TARBP1: variants seen among roughly 807,000 people sequenced by gnomAD.
TARBP1 encodes tRNA guanosine 2 -O-methyltransferase TARBP1.
TARBP1 carries 144 observed loss-of-function variants against 178.6 expected under a neutral mutation model. The observed-to-expected ratio is 0.81, with a 90% confidence interval of 0.70 to 0.93. TARBP1 has a LOEUF of 0.93. TARBP1 is among the 40% of genes least tolerant of loss of function. The pLI, the probability that TARBP1 is intolerant of heterozygous loss-of-function variation, is 0.00. For missense variants in TARBP1, 2,067 were observed against 2,011.7 expected, an observed-to-expected ratio of 1.03 and a Z score of -0.53; for synonymous variants, 787 against 781.0, an observed-to-expected ratio of 1.01 and a Z score of -0.13.
chr1:234,418,147 A>C lies in TARBP1; in HGVS notation c.3642T>G (p.Ile1214Met). ...GGAATTTATGAAGAATCAATATAAT[A>C]ATCCATTCTATAAAATATTTTATGG... ...QASIKYFIEW[I>M]IILILHKFPQ... is the part of the protein sequence containing the mutation. Residue 1214 changes from isoleucine to methionine, a missense_variant, in exon 22 of 30, where the codon ATT becomes ATG. Transcript: ENST00000040877. The C allele has an allele frequency of 6.5e-7, 1 of 1,528,522 alleles. No homozygotes were observed. Among genetic ancestry groups the C allele is most frequent in the South Asian group, 1.3e-5 (1 of 76,566 alleles). 94.7% of individuals were successfully genotyped at this position (1,528,522 alleles called of 1,614,324 possible). A position where few individuals can be genotyped will look rare whatever the true frequency, so the allele number is the denominator to read the frequency against.
intron 19 of TARBP1, among the ~76,000 whole-genome samples, chr1:234,426,629 T>C (rs916097877): frequency 6.6e-6 from 1 of 152,162 alleles, no homozygotes; most frequent in Admixed American, 6.5e-5. Flanking sequence ...GAGTGAATGA[T>C]ACAATGCTAT....
Position 234,418,219 on chromosome 1 carries a change from T to C in TARBP1, c.3570A>G (p.Gly1190=). Residue 1190 remains glycine, a synonymous_variant, in exon 22 of 30, where the codon GGA becomes GGG. Coordinates refer to ENST00000040877, the MANE Select transcript of TARBP1 (RefSeq NM_005646.4). ...FPRLDQNFLN[G]IIDRIFQAGF... is the part of the protein sequence containing the mutation. ...CAGCCTGGAAAATCCTGTCAATAAT[T>C]CCATTCAAGAAATTCTGAGAAAAAA... 1.3e-6 allele frequency: 2 copies of C among 1,552,810 alleles called. No individual in the cohort carries two copies. The highest frequency in any genetic ancestry group is 1.4e-5 in the African/African-American group (1 of 70,876).
Position 234,425,712 on chromosome 1 carries a change from CT to C in TARBP1, c.3404del (p.Lys1135SerfsTer12). On this transcript the variant is annotated frameshift_variant, in exon 20 of 30. Transcript: ENST00000040877. LOFTEE classifies it high-confidence loss of function. ...TGATTGCAAGATCCTCAATAAACAA[CT>C]TGTGGGACATATTGGAGCCATCTAA... ...CLLDGSNMSH[K>X]LFIEDLAIKL... is the part of the protein sequence containing the mutation. 1 of 1,612,502 alleles carries C rather than the reference CT, an allele frequency of 6.2e-7. No homozygotes were observed. The highest frequency in any genetic ancestry group is 8.5e-7 in the Non-Finnish European group (1 of 1,179,284).
chr1:234,406,058 C>T lies in TARBP1; in HGVS notation c.3834G>A (p.Trp1278Ter), dbSNP rs766753804. 3.1e-6 allele frequency: 5 copies of T among 1,614,162 alleles called. No individual in the cohort carries two copies. Among genetic ancestry groups the T allele is most frequent in the Non-Finnish European group, 3.4e-6 (4 of 1,180,028 alleles). ...GAACACTAAAATTGTGATTGAAACACCACTGCAGCACAACTATAAGGGCTT... is the reference window on the plus strand; with the variant it reads ...GAACACTAAAATTGTGATTGAAACATCACTGCAGCACAACTATAAGGGCTT... Reference protein sequence around the residue: ...LKQALIVVLQWCFNHNFSVRL... With the variant: ...LKQALIVVLQ Residue 1278 changes from tryptophan to a stop codon, truncating the protein, a stop_gained, in exon 24 of 30, where the codon TGG (tryptophan) becomes TGA (stop). Transcript: ENST00000040877. LOFTEE classifies it high-confidence loss of function.
Position 234,477,576 on chromosome 1 carries a change from T to C in TARBP1, c.931+597A>G, listed in dbSNP as rs183591977. Among the ~76,000 whole-genome samples, 68 of 152,360 alleles carry C rather than the reference T, an allele frequency of 4.5e-4. 2 individuals are homozygous for C. The East Asian group carries it at 0.011, about 24-fold the overall frequency. On this transcript the variant is annotated intron_variant, in intron 1 of 29. Transcript: ENST00000040877. ...GCTGTTTCATTACTCTTGCACATAGTAGGGAGCAAAGCTCAAACAGTTAAA... is the reference window on the plus strand; with the variant it reads ...GCTGTTTCATTACTCTTGCACATAGCAGGGAGCAAAGCTCAAACAGTTAAA...
chr1:234,457,895 T>C lies in TARBP1; in HGVS notation c.1633-139A>G, dbSNP rs1028762054. On this transcript the variant is annotated intron_variant, in intron 8 of 29. Transcript: ENST00000040877. ...CTAAATCAAAAGAAAGCAAATATCA[T>C]TAGCTAAATCAAAAGAAAGCAAATA... 4 of 540,350 alleles carry C rather than the reference T, an allele frequency of 7.4e-6. No individual in the cohort carries two copies. The Admixed American group carries it at 1.5e-4, about 21-fold the overall frequency. The allele number at this position is 540,350 out of a possible 1,614,324, so 33.5% of individuals were successfully genotyped here.
intron 9 of TARBP1, among the ~76,000 whole-genome samples, chr1:234,453,068 C>G (rs1398077865): frequency 1.3e-5 from 2 of 152,200 alleles, no homozygotes; most frequent in East Asian, 3.9e-4. Context: ...GAGGGATGAA[C>G]AGGCAGAGCA....
chr1:234,393,008 C>T (rs998094791), intron 28 of TARBP1, among the ~76,000 whole-genome samples: 1 of 152,104 alleles, frequency 6.6e-6, no homozygotes, highest in Non-Finnish European at 1.5e-5. Flanking sequence ...CGTGAGCCAC[C>T]GCGCCCAGCC....
intron 12 of TARBP1, among the ~76,000 whole-genome samples, chr1:234,445,776 A>C (rs553347158): frequency 1.3e-5 from 2 of 152,212 alleles, no homozygotes; most frequent in Non-Finnish European, 2.9e-5. Flanking sequence ...GTGAGCACAC[A>C]GGTGTTTAAT....
chr1:234,393,939 G>C, intron 26 of TARBP1, 102 bp from the exon 27 acceptor site: 1 of 936,094 alleles, frequency 1.1e-6, no homozygotes. Context: ...AAATAATTTA[G>C]AATGAGATAA....
At chr1:234,399,724 T>C (rs1487710099) in intron 25 of TARBP1, among the ~76,000 whole-genome samples, 1 of 152,190 alleles carries the variant, frequency 6.6e-6, no homozygotes, top group Non-Finnish European at 1.5e-5. Context: ...GATGAGTTCA[T>C]GTCCTTTGTA....
At chr1:234,399,506 T>C (rs1257692181) in intron 25 of TARBP1, among the ~76,000 whole-genome samples, 2 of 152,152 alleles carry the variant, frequency 1.3e-5, no homozygotes, top group East Asian at 3.8e-4. Context: ...GAACTAGAAA[T>C]ACCATTTGAC....
chr1:234,391,591 C>T lies in TARBP1; in HGVS notation c.4852G>A (p.Asp1618Asn), dbSNP rs145104840. The change falls in exon 30 of 30, where the codon GAT becomes AAT. Residue 1618 changes from aspartate to asparagine, a missense_variant. Coordinates refer to ENST00000040877, the MANE Select transcript of TARBP1 (RefSeq NM_005646.4). ...AGGAAGGCACATCATGGCTTGGTATCTCCGTGCGAGAGCAGCTGCTGCCTG... is the reference window on the plus strand; with the variant it reads ...AGGAAGGCACATCATGGCTTGGTATTTCCGTGCGAGAGCAGCTGCTGCCTG... ...YTRQQLLSHGDTKP is the reference protein window; with the variant it reads ...YTRQQLLSHGNTKP 6 of 1,611,532 alleles carry T rather than the reference C, an allele frequency of 3.7e-6. No individual in the cohort carries two copies. The highest frequency in any genetic ancestry group is 5.1e-6 in the Non-Finnish European group (6 of 1,178,958).
Position 234,429,209 on chromosome 1 carries a change from T to C in TARBP1, c.2987A>G (p.Gln996Arg). The change falls in exon 17 of 30, where the codon CAG (glutamine) becomes CGG (arginine). Residue 996 changes from glutamine (Q) to arginine (R), a missense_variant. Physicochemically the swap from Gln to Arg is conservative, Grantham distance 43. Coordinates refer to ENST00000040877, the MANE Select transcript of TARBP1 (RefSeq NM_005646.4). ...AAGAACTTTGTTATCAAAAACAAAC[T>C]GAACAAAAGCTTTTAAATTAGCCCA... Reference protein sequence around the residue: ...IFWANLKAFVQFVFDNKVLTI... With the variant: ...IFWANLKAFVRFVFDNKVLTI... 1 of 1,607,186 alleles carries C rather than the reference T, an allele frequency of 6.2e-7. No individual in the cohort carries two copies. The highest frequency in any genetic ancestry group is 8.5e-7 in the Non-Finnish European group (1 of 1,178,376).
chr1:234,468,553 C>T (rs1464374209), intron 3 of TARBP1, among the ~76,000 whole-genome samples: 1 of 152,202 alleles, frequency 6.6e-6, no homozygotes, highest in Non-Finnish European at 1.5e-5. Flanking sequence ...CAGGTTGGAA[C>T]TTCAGATTTG....
rs1290325669 is a variant in TARBP1 at position 234,471,279 on chromosome 1, T to C, written c.1030-22A>G. The C allele has an allele frequency of 5.4e-6, 8 of 1,478,756 alleles. No individual in the cohort carries two copies. The Admixed American group carries it at 1.2e-4, about 23-fold the overall frequency. The allele number at this position is 1,478,756 out of a possible 1,614,324, so 91.6% of individuals were successfully genotyped here. ...GTATCTAAAAATAAGAGCAAAAAAA[T>C]CATATGAAATGAAAATGCATCTTGA... is the stretch of plus-strand genomic sequence containing the variant. On this transcript the variant is annotated intron_variant, in intron 2 of 29. Coordinates refer to ENST00000040877, the MANE Select transcript of TARBP1 (RefSeq NM_005646.4).
chr1:234,436,733 T>A (rs1468192024), intron 13 of TARBP1, among the ~76,000 whole-genome samples: 1 of 152,176 alleles, frequency 6.6e-6, no homozygotes, highest in East Asian at 1.9e-4. Context: ...AATTAAGACA[T>A]TCATATAAGA....
intron 21 of TARBP1, among the ~76,000 whole-genome samples, chr1:234,419,274 A>G (rs1348462936): frequency 2.0e-5 from 3 of 152,340 alleles, no homozygotes; most frequent in African/African-American, 7.2e-5. Context: ...ACGAATTTCT[A>G]CTTAGTAGAA....
intron 3 of TARBP1, 23 bp from the exon 4 acceptor site, chr1:234,467,673 T>C (rs755415267): frequency 2.0e-5 from 31 of 1,555,586 alleles, no homozygotes; most frequent in African/African-American, 4.1e-5. Context: ...ACATCAAATG[T>C]TGACATCTGA....
Sources: gnomAD v4.1 joint callset for allele counts (sites outside exome capture counted in the v4.1 genomes callset) on GRCh38, gnomAD v4.1.1 for gene constraint, MANE v1.5 for transcripts, NCBI Gene and HGNC (gene_info 2026-07-23, HGNC 2026-07-21) for gene names.